Variants in ZC2HC1A observed in about 807,000 individuals in gnomAD.
ZC2HC1A encodes zinc finger C2HC-type containing 1A.
In ZC2HC1A, 28 loss-of-function variants were observed where a neutral mutation model predicts 40.7. The observed-to-expected ratio is 0.69, with a 90% confidence interval of 0.51 to 0.94. The LOEUF (loss-of-function observed/expected upper bound fraction) is 0.94. Among genes scored for constraint, ZC2HC1A ranks in the 40% least tolerant of loss-of-function variants. ZC2HC1A has a pLI of 0.00. For missense variants in ZC2HC1A, 389 were observed against 386.3 expected, an observed-to-expected ratio of 1.01 and a Z score of -0.06; for synonymous variants, 129 against 129.2, an observed-to-expected ratio of 1.00 and a Z score of 0.01.
intron 3 of ZC2HC1A, among the ~76,000 whole-genome samples, chr8:78,683,168 C>T (rs1233811204): frequency 2.0e-5 from 3 of 151,438 alleles, no homozygotes; most frequent in South Asian, 4.2e-4. Flanking sequence ...GTGGATCTAC[C>T]ATTCTGGGGT....
At chr8:78,692,729 T>G (rs1476847199) in intron 5 of ZC2HC1A, among the ~76,000 whole-genome samples, 1 of 151,856 alleles carries the variant, frequency 6.6e-6, no homozygotes, top group East Asian at 1.9e-4. Context: ...TTCTAATTTG[T>G]TTTTTTTATT....
intron 6 of ZC2HC1A, among the ~76,000 whole-genome samples, chr8:78,697,943 G>T (rs1021371746): frequency 1.3e-5 from 2 of 152,088 alleles, no homozygotes; most frequent in Non-Finnish European, 2.9e-5. Context: ...CTCCTAAAGT[G>T]CTGAGATTAC....
At chr8:78,703,261 G>A (rs1810664835) in intron 7 of ZC2HC1A, among the ~76,000 whole-genome samples, 1 of 152,130 alleles carries the variant, frequency 6.6e-6, no homozygotes, top group African/African-American at 2.4e-5. Flanking sequence ...GTTTTAGGGT[G>A]GAGAATTCTG....
chr8:78,708,507 G>A (rs1391396155), intron 7 of ZC2HC1A, among the ~76,000 whole-genome samples: 2 of 151,398 alleles, frequency 1.3e-5, no homozygotes, highest in East Asian at 3.9e-4. Context: ...GTAAGAACTC[G>A]TCTCCATTAA....
intron 7 of ZC2HC1A, among the ~76,000 whole-genome samples, chr8:78,714,217 C>G (rs916329575): frequency 6.6e-6 from 1 of 152,110 alleles, no homozygotes; most frequent in East Asian, 1.9e-4. Context: ...GCAGGGTCAC[C>G]TTGGGTAAGT....
chr8:78,712,536 G>T, intron 7 of ZC2HC1A, among the ~76,000 whole-genome samples: 1 of 152,046 alleles, frequency 6.6e-6, no homozygotes. Context: ...CCCAGAAAAA[G>T]AAAAGATTTT....
Position 78,718,449 on chromosome 8 carries a change from A to G in ZC2HC1A, c.*956A>G, listed in dbSNP as rs570148863. On this transcript the variant is annotated 3_prime_UTR_variant, in exon 9 of 9. Coordinates refer to ENST00000263849, the MANE Select transcript of ZC2HC1A (RefSeq NM_016010.3). ...TTAAATCACGTCACCTAATCATAAT[A>G]GTTGTGGTAACTAATCATTAGTGCA... The G allele has an allele frequency of 3.0e-4, 46 of 152,084 alleles. No individual in the cohort carries two copies. The East Asian group carries it at 4.8e-3, about 16-fold the overall frequency. The allele number at this position is 152,084 out of a possible 1,614,324, so 9.4% of individuals were successfully genotyped here. A position where few individuals can be genotyped will look rare whatever the true frequency, so the allele number is the denominator to read the frequency against.
chr8:78,687,915 A>ATG lies in ZC2HC1A; in HGVS notation c.353-1306_353-1305insGT, dbSNP rs899825283. 7.8e-5 allele frequency among the ~76,000 whole-genome samples: 11 copies of ATG among 140,978 alleles called. 2 individuals are homozygous for ATG. Among genetic ancestry groups the ATG allele is most frequent in the African/African-American group, 2.6e-4 (10 of 38,604 alleles). 92.5% of individuals were successfully genotyped at this position (140,978 alleles called of 152,430 possible). Reference sequence around the variant, plus strand: ...ATAAATTATATATATTTATATAAATATATAATTATTTATATCTATATTTTT... The same window carrying ATG: ...ATAAATTATATATATTTATATAAATATGTATAATTATTTATATCTATATTTTT... On this transcript the variant is annotated intron_variant, in intron 4 of 8. Transcript: ENST00000263849.
At chr8:78,701,080 G>T (rs748532227) in intron 7 of ZC2HC1A, among the ~76,000 whole-genome samples, 5 of 152,118 alleles carry the variant, frequency 3.3e-5, no homozygotes, top group Non-Finnish European at 5.9e-5. Flanking sequence ...AATTGCTTTA[G>T]GCAGTATCAC....
rs184710691 is a variant in ZC2HC1A, at chr8:78,666,452, G to A, written c.16+288G>A. On this transcript the variant is annotated intron_variant, in intron 1 of 8. Transcript: ENST00000263849. ...TGCACGTCTCTTCCTACCATTTTCT[G>A]ATCTTGCTTGACTCCTGAGTGCCCT... 8.5e-5 allele frequency among the ~76,000 whole-genome samples: 13 copies of A among 152,340 alleles called. No individual in the cohort carries two copies. In the East Asian group the frequency reaches 2.3e-3, roughly 27 times the overall value.
At position 78,711,137 on chromosome 8, in the gene ZC2HC1A, A is replaced by G. The variant is rs898349612; in HGVS notation, c.705-4084A>G. Reference sequence around the variant, plus strand: ...ATGAGTGAGCAAATATCTCTTAAAAAGAACAGACTTTTAAAGTTAACAAGC... The same window carrying G: ...ATGAGTGAGCAAATATCTCTTAAAAGGAACAGACTTTTAAAGTTAACAAGC... On this transcript the variant is annotated intron_variant, in intron 7 of 8. Coordinates refer to ENST00000263849, the MANE Select transcript of ZC2HC1A (RefSeq NM_016010.3). Among the ~76,000 whole-genome samples the G allele has an allele frequency of 2.6e-5, 4 of 152,150 alleles. No individual in the cohort carries two copies. In the South Asian group the frequency reaches 6.2e-4, roughly 24 times the overall value.
At chr8:78,696,478 G>A (rs1307132024) in intron 5 of ZC2HC1A, among the ~76,000 whole-genome samples, 1 of 152,190 alleles carries the variant, frequency 6.6e-6, no homozygotes, top group Non-Finnish European at 1.5e-5. Flanking sequence ...TGTGAAGTTG[G>A]GGCATAACCC....
At chr8:78,674,309 G>A (rs1253281983) in intron 1 of ZC2HC1A, among the ~76,000 whole-genome samples, 15 of 152,128 alleles carry the variant, frequency 9.9e-5, no homozygotes, top group Admixed American at 9.8e-4. Context: ...AGTATAATAT[G>A]TGGTGCTTTT....
At chr8:78,672,303 A>G (rs1440138111) in intron 1 of ZC2HC1A, among the ~76,000 whole-genome samples, 1 of 152,184 alleles carries the variant, frequency 6.6e-6, no homozygotes, top group East Asian at 1.9e-4. Context: ...CAGCCACTTT[A>G]TTATTTAATT....
chr8:78,703,571 AGTCT>A (rs1242398393), intron 7 of ZC2HC1A, among the ~76,000 whole-genome samples: 3 of 150,096 alleles, frequency 2.0e-5, no homozygotes, highest in Non-Finnish European at 4.4e-5. Context: ...GTTGGTTTAA[AGTCT>A]GTTTTATCAG....
Position 78,686,600 on chromosome 8 carries a change from A to G in ZC2HC1A, c.344A>G (p.Tyr115Cys). 1.3e-6 allele frequency: 2 copies of G among 1,511,646 alleles called. No homozygotes were observed. The highest frequency in any genetic ancestry group is 1.4e-5 in the South Asian group (1 of 70,398). 93.6% of individuals were successfully genotyped at this position (1,511,646 alleles called of 1,614,324 possible). Reference sequence around the variant, plus strand: ...CTTCCTCCTCCTCCTCCACCTTCTTATGATCCTGGTATTTGGAATATTGTT... The same window carrying G: ...CTTCCTCCTCCTCCTCCACCTTCTTGTGATCCTGGTATTTGGAATATTGTT... ...GKLPPPPPPS[Y>C]DPDYIQCPYC... Residue 115 changes from tyrosine (Y) to cysteine (C), a missense_variant, in exon 4 of 9, where the codon TAT (tyrosine) becomes TGT (cysteine). Transcript: ENST00000263849.
chr8:78,684,268 A>G (rs1809881871), intron 3 of ZC2HC1A, among the ~76,000 whole-genome samples: 1 of 152,196 alleles, frequency 6.6e-6, no homozygotes, highest in South Asian at 2.1e-4. Flanking sequence ...GGTGTAACAG[A>G]CTCAGTTTCA....
intron 1 of ZC2HC1A, among the ~76,000 whole-genome samples, chr8:78,673,515 A>C (rs140425439): frequency 0.037 from 5,622 of 152,264 alleles, 318 homozygotes; most frequent in African/African-American, 0.13. Context: ...TGGTTGAATT[A>C]ATTTACACTC....
intron 3 of ZC2HC1A, among the ~76,000 whole-genome samples, chr8:78,682,544 A>T (rs1349359193): frequency 6.6e-6 from 1 of 152,024 alleles, no homozygotes; most frequent in African/African-American, 2.4e-5. Context: ...ACACAGGAAA[A>T]ACCTGCCCCC....
Sources: gnomAD v4.1 joint callset for allele counts (sites outside exome capture counted in the v4.1 genomes callset) on GRCh38, gnomAD v4.1.1 for gene constraint, MANE v1.5 for transcripts, NCBI Gene and HGNC (gene_info 2026-07-23, HGNC 2026-07-21) for gene names.